The following CNGB1 variants were observed in gnomAD, a reference collection of about 807,000 sequenced individuals.
CNGB1 encodes cyclic nucleotide-gated channel beta-1.
CNGB1 carries 126 observed loss-of-function variants against 151.7 expected under a neutral mutation model. The observed-to-expected ratio is 0.83, with a 90% CI of 0.72 to 0.96. The LOEUF (loss-of-function observed/expected upper bound fraction) is 0.96, where lower values mean the gene tolerates loss of function less well. CNGB1 is among the 40% of genes least tolerant of loss of function. CNGB1 has a pLI of 0.00. For synonymous variants in CNGB1, 623 were observed against 635.1 expected (o/e 0.98, Z 0.29); for missense variants, 1,698 against 1,627.0 (o/e 1.04, Z -0.75).
chr16:57,923,118 G>T, intron 18 of CNGB1, 155 bp downstream of exon 18: 1 of 551,294 alleles, frequency 1.8e-6, no homozygotes, highest in South Asian at 1.9e-5. Flanking sequence ...GCCAGAAGCA[G>T]CCTGGGCAGG....
Position 57,904,839 on chromosome 16 carries a change from G to A in CNGB1, c.2529C>T (p.Leu843=), listed in dbSNP as rs1567370217. ...IRCYYFAVKT[L]ITIGGLPDPK... ...GGTCAGGCAGCCCCCCGATGGTGATGAGGGTCTTCACAGCAAAGTAGTAAC... is the reference window on the plus strand; with the variant it reads ...GGTCAGGCAGCCCCCCGATGGTGATAAGGGTCTTCACAGCAAAGTAGTAAC... Residue 843 remains leucine, a synonymous_variant, in exon 26 of 33, where the codon CTC becomes CTT. Transcript: ENST00000251102. 1 of 1,614,220 alleles carries A rather than the reference G, an allele frequency of 6.2e-7. No individual in the cohort carries two copies. The highest frequency in any genetic ancestry group is 8.5e-7 in the Non-Finnish European group (1 of 1,180,036).
chr16:57,899,389 C>T (rs1347205792), intron 29 of CNGB1, among the ~76,000 whole-genome samples: 3 of 152,156 alleles, frequency 2.0e-5, no homozygotes, highest in African/African-American at 7.2e-5. Flanking sequence ...CCTGTAATCC[C>T]AGTACTTTGG....
intron 27 of CNGB1, 150 bp downstream of exon 27, chr16:57,903,672 C>G (rs1960450884): frequency 3.9e-6 from 4 of 1,018,746 alleles, no homozygotes; most frequent in Non-Finnish European, 5.9e-6. Context: ...ACCTCTCACA[C>G]CAATGTTGGG....
chr16:57,950,838 G>A (rs1961931589), intron 12 of CNGB1, among the ~76,000 whole-genome samples: 1 of 152,218 alleles, frequency 6.6e-6, no homozygotes, highest in African/African-American at 2.4e-5. Flanking sequence ...CTTCTTAAAG[G>A]TTTGTGCAGA....
intron 14 of CNGB1, 104 bp downstream of exon 14, chr16:57,949,249 C>T: frequency 6.3e-7 from 1 of 1,591,292 alleles, no homozygotes; most frequent in Non-Finnish European, 8.5e-7. Context: ...CAGCACAGAA[C>T]AACAGAAAGG....
intron 12 of CNGB1, chr16:57,955,260 G>C: frequency 6.5e-7 from 1 of 1,548,622 alleles, no homozygotes; most frequent in Non-Finnish European, 8.7e-7. Flanking sequence ...ACCTCCCCCG[G>C]GAAGGTCTTC....
intron 29 of CNGB1, among the ~76,000 whole-genome samples, chr16:57,901,077 C>T (rs1228642108): frequency 2.6e-5 from 4 of 152,012 alleles, no homozygotes; most frequent in Admixed American, 1.3e-4. Flanking sequence ...GGGTCTTTGT[C>T]CTGGCCCCCA....
intron 14 of CNGB1, among the ~76,000 whole-genome samples, chr16:57,947,470 G>A (rs1440122993): frequency 6.6e-6 from 1 of 152,234 alleles, no homozygotes; most frequent in Non-Finnish European, 1.5e-5. Flanking sequence ...GGGTGGCTCA[G>A]AAGGCAGAAT....
At chr16:57,962,706 C>A in intron 6 of CNGB1, 96 bp from the exon 7 acceptor site, 2 of 1,564,860 alleles carry the variant, frequency 1.3e-6, no homozygotes, top group South Asian at 1.1e-5. Context: ...CTCAGCTCAA[C>A]CCCAGGTTCA....
intron 19 of CNGB1, among the ~76,000 whole-genome samples, chr16:57,919,580 AC>A (rs1567377654): frequency 6.6e-6 from 1 of 151,636 alleles, no homozygotes; most frequent in African/African-American, 2.4e-5. Context: ...TTGTGCTTAG[AC>A]CCCCTTTGTT....
At chr16:57,940,452 C>A in intron 14 of CNGB1, 131 bp from the exon 15 acceptor site, 1 of 790,576 alleles carries the variant, frequency 1.3e-6, no homozygotes, top group Non-Finnish European at 2.0e-6. Context: ...CCAGTCTCAA[C>A]CTCAGGAGCC....
At chr16:57,903,709 T>A (rs1197972155) in intron 27 of CNGB1, 113 bp downstream of exon 27, 1 of 1,300,362 alleles carries the variant, frequency 7.7e-7, no homozygotes, top group Non-Finnish European at 1.1e-6. Flanking sequence ...GCCCCAGTAC[T>A]CGGGACCTCA....
chr16:57,949,211 G>A (rs1961884808), intron 14 of CNGB1, 142 bp downstream of exon 14: 17 of 1,475,670 alleles, frequency 1.2e-5, no homozygotes, highest in Non-Finnish European at 1.6e-5. Context: ...GCTTCTCGCA[G>A]CCTCTTTGGT....
intron 25 of CNGB1, 50 bp from the exon 26 acceptor site, chr16:57,904,925 C>T: frequency 6.2e-7 from 1 of 1,611,840 alleles, no homozygotes; most frequent in Non-Finnish European, 8.5e-7. Context: ...CCCCACTCTG[C>T]CGCCCCGAGC....
chr16:57,965,693 G>T (rs1436848120), intron 2 of CNGB1, among the ~76,000 whole-genome samples: 4 of 151,182 alleles, frequency 2.6e-5, no homozygotes, highest in African/African-American at 9.7e-5. Context: ...CAGATACATA[G>T]AAATACATGA....
intron 12 of CNGB1, among the ~76,000 whole-genome samples, chr16:57,956,483 C>T (rs537417458): frequency 2.0e-5 from 3 of 152,200 alleles, no homozygotes; most frequent in Admixed American, 6.5e-5. Flanking sequence ...CAGGCCATGG[C>T]GGCCACCCCC....
intron 14 of CNGB1, among the ~76,000 whole-genome samples, chr16:57,944,506 ATTG>A (rs1447213649): frequency 6.6e-6 from 1 of 152,210 alleles, no homozygotes; most frequent in African/African-American, 2.4e-5. Context: ...ATTTGTAAAA[ATTG>A]TTAAGAGTAG....
At chr16:57,934,996 A>C (rs2149373844) in intron 16 of CNGB1, among the ~76,000 whole-genome samples, 1 of 151,158 alleles carries the variant, frequency 6.6e-6, no homozygotes, top group Middle Eastern at 3.4e-3. Context: ...CAGTGAGCCA[A>C]GATCGCGCCA....
intron 12 of CNGB1, among the ~76,000 whole-genome samples, chr16:57,956,591 C>G (rs1167029758): frequency 2.0e-5 from 3 of 152,074 alleles, no homozygotes; most frequent in African/African-American, 7.2e-5. Context: ...CCTGGGACAG[C>G]CTGAGGCCTG....
Sources: allele counts gnomAD v4.1 joint callset (sites outside exome capture counted in the v4.1 genomes callset), GRCh38; gene constraint gnomAD v4.1.1; transcripts MANE v1.5; gene names NCBI Gene and HGNC (gene_info 2026-07-23, HGNC 2026-07-21).